Variants in IL12RB2 observed in about 807,000 individuals in gnomAD.
IL12RB2 encodes interleukin-12 receptor subunit beta-2.
A neutral mutation model predicts 89.4 loss-of-function variants in IL12RB2; 82 were observed. That is an observed-to-expected ratio of 0.92 (90% CI 0.77 to 1.10). IL12RB2 has a LOEUF of 1.10. Among genes scored for constraint, IL12RB2 ranks in the 50% least tolerant of loss-of-function variants. The probability of loss-of-function intolerance (pLI) is 0.00; values close to 1 mark genes in which losing one functional copy is unlikely to be tolerated. For missense variants in IL12RB2, 963 were observed against 1,031.9 expected (o/e 0.93, Z 0.92); for synonymous variants, 368 against 370.1 (o/e 0.99, Z 0.07).
At chr1:67,376,358 C>T (rs955088170) in intron 13 of IL12RB2, among the ~76,000 whole-genome samples, 6 of 152,134 alleles carry the variant, frequency 3.9e-5, no homozygotes, top group Admixed American at 6.5e-5. Context: ...CAATGTAGAT[C>T]GTTAAAAACT....
At chr1:67,338,840 G>A in intron 9 of IL12RB2, 137 bp downstream of exon 9, 1 of 699,768 alleles carries the variant, frequency 1.4e-6, no homozygotes, top group Non-Finnish European at 2.7e-6. Flanking sequence ...ACACACCACA[G>A]TGTCATGTGC....
intron 16 of IL12RB2, 132 bp from the exon 17 acceptor site, chr1:67,395,415 C>G (rs1233640569): frequency 6.4e-7 from 1 of 1,562,490 alleles, no homozygotes; most frequent in Non-Finnish European, 8.7e-7. Flanking sequence ...CTCGCAAACT[C>G]CAGTGCCCAA....
intron 9 of IL12RB2, among the ~76,000 whole-genome samples, chr1:67,341,529 G>GC (rs1558317876): frequency 9.0e-6 from 1 of 110,602 alleles, no homozygotes; most frequent in African/African-American, 3.2e-5. Flanking sequence ...AAAAAAGAAA[G>GC]AGAAAGAAAG....
At chr1:67,316,034 T>A (rs1289922424) in intron 2 of IL12RB2, among the ~76,000 whole-genome samples, 2 of 152,224 alleles carry the variant, frequency 1.3e-5, no homozygotes, top group East Asian at 3.8e-4. Flanking sequence ...TTAATGTAGT[T>A]GCATTAAACT....
At position 67,338,240 on chromosome 1, in the gene IL12RB2, G is replaced by A. The variant is rs928977778; in HGVS notation, c.959-384G>A. On this transcript the variant is annotated intron_variant, in intron 8 of 16. Coordinates refer to ENST00000674203, the MANE Select transcript of IL12RB2 (RefSeq NM_001374259.2). The stretch of plus-strand genomic sequence containing the variant: ...GCTATGTGGGAGGCTGAGGCAGGAG[G>A]ATTGCTTGAGCCTGGGAGGTGGAGG... Among the ~76,000 whole-genome samples the A allele has an allele frequency of 4.1e-5, 6 of 148,114 alleles. No homozygotes were observed. The Admixed American group carries it at 4.1e-4, about 10-fold the overall frequency.
intron 8 of IL12RB2, among the ~76,000 whole-genome samples, chr1:67,337,079 G>A (rs964793924): frequency 1.3e-5 from 2 of 152,174 alleles, no homozygotes; most frequent in African/African-American, 4.8e-5. Context: ...AGCTCACACT[G>A]ACTACTGCAG....
At chr1:67,323,612 A>T (rs573668055) in intron 4 of IL12RB2, among the ~76,000 whole-genome samples, 2 of 152,310 alleles carry the variant, frequency 1.3e-5, no homozygotes, top group East Asian at 3.9e-4. Flanking sequence ...ACTCTTTTCA[A>T]CTTAGAATTC....
chr1:67,310,717 G>T (rs1470707959), intron 1 of IL12RB2, among the ~76,000 whole-genome samples: 2 of 152,082 alleles, frequency 1.3e-5, no homozygotes, highest in Non-Finnish European at 2.9e-5. Flanking sequence ...GATAGGTGCT[G>T]GTTTTTTGTT....
chr1:67,340,702 T>C (rs1206743649), intron 9 of IL12RB2, among the ~76,000 whole-genome samples: 2 of 152,338 alleles, frequency 1.3e-5, no homozygotes, highest in East Asian at 1.9e-4. Context: ...ACAGAGTTTA[T>C]AGTGGACATC....
chr1:67,394,048 C>T lies in IL12RB2; in HGVS notation c.2047-1499C>T, dbSNP rs376930121. ...AGGGGCCTCATGGAAGGAGAAGGCA[C>T]GAAGCAGGGGACAGTGGGAGGCACA... On this transcript the variant is annotated intron_variant, in intron 16 of 16. Coordinates refer to ENST00000674203, the MANE Select transcript of IL12RB2 (RefSeq NM_001374259.2). 4.6e-4 allele frequency among the ~76,000 whole-genome samples: 70 copies of T among 152,136 alleles called. No individual in the cohort carries two copies. The South Asian group carries it at 0.012, about 27-fold the overall frequency.
At chr1:67,337,641 A>G (rs1658933433) in intron 8 of IL12RB2, among the ~76,000 whole-genome samples, 1 of 152,164 alleles carries the variant, frequency 6.6e-6, no homozygotes, top group Admixed American at 6.5e-5. Flanking sequence ...TTGTTCATTC[A>G]TTACTTAACA....
chr1:67,377,213 T>G (rs1362341211), intron 13 of IL12RB2, among the ~76,000 whole-genome samples: 1 of 152,196 alleles, frequency 6.6e-6, no homozygotes, highest in Non-Finnish European at 1.5e-5. Flanking sequence ...TGAGGCAGAT[T>G]CTTTGCTTTT....
chr1:67,360,524 GT>G (rs1163265980), intron 10 of IL12RB2, among the ~76,000 whole-genome samples: 6 of 152,094 alleles, frequency 3.9e-5, no homozygotes, highest in African/African-American at 1.4e-4. Context: ...GCCAGGTGCA[GT>G]GGTTCACGCC....
chr1:67,315,800 ATGT>A (rs1200018369), intron 2 of IL12RB2, among the ~76,000 whole-genome samples: 5 of 152,180 alleles, frequency 3.3e-5, no homozygotes, highest in African/African-American at 1.2e-4. Flanking sequence ...GAAGATAAAG[ATGT>A]TGTTGACTTT....
rs1666362380 is a variant in IL12RB2 at position 67,396,282 on chromosome 1, T to TG, written c.*194dup. ...TGGTCTTCACTCAGATGCCTCATCT[T>TG]GCCTTTCCCAGGGCCTTAAAATTAC... is the stretch of plus-strand genomic sequence containing the variant. On this transcript the variant is annotated 3_prime_UTR_variant, in exon 17 of 17. Transcript: ENST00000674203. 3.0e-6 allele frequency: 2 copies of TG among 670,234 alleles called. No homozygotes were observed. Among genetic ancestry groups the TG allele is most frequent in the South Asian group, 3.3e-5 (2 of 61,210 alleles). 41.5% of individuals were successfully genotyped at this position (670,234 alleles called of 1,614,324 possible).
At chr1:67,392,731 C>A (rs1479883225) in intron 16 of IL12RB2, among the ~76,000 whole-genome samples, 3 of 149,042 alleles carry the variant, frequency 2.0e-5, no homozygotes, top group Non-Finnish European at 4.4e-5. Flanking sequence ...CCTGGGTTCA[C>A]ACCATTCTCC....
At chr1:67,386,872 TTATATATA>T (rs1179774666) in intron 15 of IL12RB2, among the ~76,000 whole-genome samples, 1,363 of 48,210 alleles carry the variant, frequency 0.028, 29 homozygotes, top group East Asian at 0.17. Context: ...GAAATGTATT[TTATATATA>T]TATATATATA....
At chr1:67,356,245 T>A (rs749603006) in intron 10 of IL12RB2, among the ~76,000 whole-genome samples, 1 of 152,018 alleles carries the variant, frequency 6.6e-6, no homozygotes, top group Non-Finnish European at 1.5e-5. Context: ...GATGGCTGAG[T>A]TCCCCCTCTG....
At chr1:67,332,887 A>C (rs1016161759) in intron 8 of IL12RB2, among the ~76,000 whole-genome samples, 3 of 152,232 alleles carry the variant, frequency 2.0e-5, no homozygotes, top group Non-Finnish European at 4.4e-5. Context: ...GAGATGTGTG[A>C]AAAGGTTTTT....
Sources: allele counts gnomAD v4.1 joint callset (sites outside exome capture counted in the v4.1 genomes callset), GRCh38; gene constraint gnomAD v4.1.1; transcripts MANE v1.5; gene names NCBI Gene and HGNC (gene_info 2026-07-23, HGNC 2026-07-21).